The following VAV3 variants were observed in gnomAD, a reference collection of about 807,000 sequenced individuals.
VAV3 encodes the protein vav guanine nucleotide exchange factor 3.
Under a neutral mutation model 131.2 loss-of-function variants are expected in VAV3, and 94 were observed. That is an observed-to-expected ratio of 0.72 (90% confidence interval 0.61 to 0.85). VAV3 has a LOEUF of 0.85. VAV3 is among the 40% of genes least tolerant of loss of function. VAV3 has a pLI of 0.00. For missense variants in VAV3, 939 were observed against 1,002.7 expected (o/e 0.94, Z 0.86); for synonymous variants, 349 against 342.0 (o/e 1.02, Z -0.22).
chr1:107,862,943 C>G (rs751973627), intron 2 of VAV3, among the ~76,000 whole-genome samples: 17 of 151,420 alleles, frequency 1.1e-4, no homozygotes, highest in Admixed American at 5.3e-4. Flanking sequence ...CAGTAAATAC[C>G]AAAAAAACCC....
At chr1:107,733,397 G>A (rs772336205) in intron 15 of VAV3, among the ~76,000 whole-genome samples, 5 of 152,266 alleles carry the variant, frequency 3.3e-5, no homozygotes, top group Admixed American at 6.5e-5. Context: ...ACTTTGATGA[G>A]TTGACAGAAG....
chr1:107,729,109 C>T (rs1662057585), intron 15 of VAV3, among the ~76,000 whole-genome samples: 1 of 152,144 alleles, frequency 6.6e-6, no homozygotes, highest in Non-Finnish European at 1.5e-5. Context: ...CTACTTATGA[C>T]CTCAGGTATA....
chr1:107,755,071 T>C (rs1172171507), intron 12 of VAV3, among the ~76,000 whole-genome samples: 1 of 151,856 alleles, frequency 6.6e-6, no homozygotes, highest in Non-Finnish European at 1.5e-5. Context: ...TGGGTCATAA[T>C]AGTCACACAG....
intron 2 of VAV3, among the ~76,000 whole-genome samples, chr1:107,852,487 TTAA>T (rs1290158400): frequency 1.3e-5 from 2 of 152,206 alleles, no homozygotes; most frequent in African/African-American, 4.8e-5. Context: ...ATATATAATC[TTAA>T]TAAAACTGGG....
At chr1:107,917,409 A>C (rs569971258) in intron 1 of VAV3, among the ~76,000 whole-genome samples, 1 of 152,328 alleles carries the variant, frequency 6.6e-6, no homozygotes, top group East Asian at 1.9e-4. Context: ...TAAGGGAACT[A>C]AGATTCAACA....
At chr1:107,622,939 T>C (rs1424027155) in intron 20 of VAV3, among the ~76,000 whole-genome samples, 1 of 152,142 alleles carries the variant, frequency 6.6e-6, no homozygotes, top group African/African-American at 2.4e-5. Context: ...ACACACTGTT[T>C]TTGGCATTAT....
intron 1 of VAV3, among the ~76,000 whole-genome samples, chr1:107,960,285 T>C (rs1166953823): frequency 4.6e-5 from 7 of 151,978 alleles, no homozygotes; most frequent in Non-Finnish European, 1.0e-4. Context: ...CTAGGCAACA[T>C]GGTGAAACCC....
chr1:107,757,323 C>T lies in VAV3; in HGVS notation c.1024G>A (p.Val342Ile), dbSNP rs1428331751. ...LKYHLLLQEL[V>I]KHTTDPTEKA... Reference sequence around the variant, plus strand: ...TCAGTCGGATCAGTGGTATGTTTGACCAGTTCCTATTTGGAAGATATGGTT... The same window carrying T: ...TCAGTCGGATCAGTGGTATGTTTGATCAGTTCCTATTTGGAAGATATGGTT... Residue 342 changes from valine to isoleucine, a missense_variant, in exon 11 of 27, where the codon GTC becomes ATC. Physicochemically the swap from Val to Ile is conservative, Grantham distance 29. Coordinates refer to ENST00000370056, the MANE Select transcript of VAV3 (RefSeq NM_006113.5). The T allele has an allele frequency of 6.2e-7, 1 of 1,612,268 alleles. No individual in the cohort carries two copies. The highest frequency in any genetic ancestry group is 8.5e-7 in the Non-Finnish European group (1 of 1,179,422).
chr1:107,769,353 A>C (rs905329321), intron 6 of VAV3, among the ~76,000 whole-genome samples: 1 of 152,184 alleles, frequency 6.6e-6, no homozygotes, highest in African/African-American at 2.4e-5. Flanking sequence ...CGATCGTCTA[A>C]TTTTCAATAT....
chr1:107,587,631 C>T (rs765757594), intron 25 of VAV3, among the ~76,000 whole-genome samples: 21 of 152,156 alleles, frequency 1.4e-4, no homozygotes, highest in African/African-American at 3.4e-4. Flanking sequence ...CCCTCTGTTG[C>T]CCATGCTGGA....
intron 15 of VAV3, among the ~76,000 whole-genome samples, chr1:107,724,871 T>G (rs190074138): frequency 1.1e-5 from 1 of 91,340 alleles, no homozygotes; most frequent in Non-Finnish European, 2.3e-5. Context: ...ACAGGCCAGA[T>G]AGTAAATGCC....
chr1:107,805,219 T>C (rs563309799), intron 2 of VAV3, among the ~76,000 whole-genome samples: 1 of 152,290 alleles, frequency 6.6e-6, no homozygotes, highest in East Asian at 1.9e-4. Flanking sequence ...TTTTGAAAAG[T>C]TGTCTACTGT....
intron 2 of VAV3, among the ~76,000 whole-genome samples, chr1:107,874,532 A>G (rs1168751768): frequency 1.3e-5 from 2 of 152,202 alleles, no homozygotes; most frequent in East Asian, 3.8e-4. Flanking sequence ...ACTGGTCCTC[A>G]GGCCTGAGTG....
intron 15 of VAV3, among the ~76,000 whole-genome samples, chr1:107,713,682 G>GA (rs2101888358): frequency 6.6e-6 from 1 of 152,204 alleles, no homozygotes; most frequent in East Asian, 1.9e-4. Flanking sequence ...TCATAAAAGG[G>GA]AAATTGTGTG....
intron 1 of VAV3, among the ~76,000 whole-genome samples, chr1:107,955,343 G>A (rs1401584582): frequency 6.6e-6 from 1 of 151,546 alleles, no homozygotes; most frequent in Non-Finnish European, 1.5e-5. Flanking sequence ...GTAGATGTTT[G>A]AAAAGGTAGT....
intron 2 of VAV3, among the ~76,000 whole-genome samples, chr1:107,818,282 T>C (rs962375786): frequency 1.4e-4 from 21 of 152,188 alleles, no homozygotes; most frequent in African/African-American, 4.8e-4. Context: ...GGCCCAATAC[T>C]AATCAATCAG....
chr1:107,611,596 C>A (rs1487574362), intron 21 of VAV3, among the ~76,000 whole-genome samples: 178 of 119,596 alleles, frequency 1.5e-3, no homozygotes, highest in Middle Eastern at 4.3e-3. Flanking sequence ...CATAGAGAAC[C>A]AAAAAAAAAA....
At chr1:107,685,126 A>G (rs1258332868) in intron 18 of VAV3, among the ~76,000 whole-genome samples, 1 of 152,176 alleles carries the variant, frequency 6.6e-6, no homozygotes, top group African/African-American at 2.4e-5. Flanking sequence ...AGTCCCATGT[A>G]GGAACTATAA....
chr1:107,654,156 A>G (rs1656372970), intron 19 of VAV3, among the ~76,000 whole-genome samples: 1 of 152,106 alleles, frequency 6.6e-6, no homozygotes, highest in South Asian at 2.1e-4. Flanking sequence ...ATTGACCAAG[A>G]AAAATAAGTT....
Sources: gnomAD v4.1 joint callset for allele counts (sites outside exome capture counted in the v4.1 genomes callset) on GRCh38, gnomAD v4.1.1 for gene constraint, MANE v1.5 for transcripts, NCBI Gene and HGNC (gene_info 2026-07-23, HGNC 2026-07-21) for gene names.